The following DCP2 variants were observed in gnomAD, a reference collection of about 807,000 sequenced individuals.
The protein encoded by DCP2 is m7GpppN-mRNA hydrolase.
In DCP2, 30 loss-of-function variants were observed where a neutral mutation model predicts 56.1. The ratio of observed to expected loss-of-function variants is 0.53; its 90% CI spans 0.40 to 0.73. The LOEUF (loss-of-function observed/expected upper bound fraction) is 0.73, where lower values mean the gene tolerates loss of function less well. Ranked by LOEUF, DCP2 falls within the 30% of genes least tolerant of loss-of-function variation. The pLI, the probability that DCP2 is intolerant of heterozygous loss-of-function variation, is 0.00. For missense variants in DCP2, 533 were observed against 502.7 expected, an observed-to-expected ratio of 1.06 and a Z score of -0.58; for synonymous variants, 197 against 163.3, an observed-to-expected ratio of 1.21 and a Z score of -1.57.
intron 9 of DCP2, chr5:113,008,425 A>G (rs191288837): frequency 1.8e-3 from 290 of 158,238 alleles, no homozygotes; most frequent in Middle Eastern, 9.7e-3. Flanking sequence ...TAGAAAATAA[A>G]AAAAACACAG....
chr5:112,976,806 C>T lies in DCP2; in HGVS notation c.-128C>T, dbSNP rs190336737. 1.8e-3 allele frequency: 1,665 copies of T among 932,982 alleles called. 8 individuals are homozygous for T. The highest frequency in any genetic ancestry group is 7.4e-3 in the Middle Eastern group (35 of 4,724). The allele number at this position is 932,982 out of a possible 1,614,324, so 57.8% of individuals were successfully genotyped here. On this transcript the variant is annotated 5_prime_UTR_variant, in exon 1 of 11. Coordinates refer to ENST00000389063, the MANE Select transcript of DCP2 (RefSeq NM_152624.6). ...TCCCGCCCCTTCCCCTTCTCGTCTC[C>T]GTTGGAGTCGTCTCTGCCGCGGCTT...
chr5:113,000,555 C>T (rs1268860482), intron 4 of DCP2, among the ~76,000 whole-genome samples: 1 of 152,058 alleles, frequency 6.6e-6, no homozygotes, highest in Non-Finnish European at 1.5e-5. Context: ...TCCAAGCCAT[C>T]GAGATTAATT....
intron 1 of DCP2, among the ~76,000 whole-genome samples, chr5:112,982,828 ACTTT>A (rs1247826632): frequency 6.6e-6 from 1 of 152,124 alleles, no homozygotes; most frequent in Admixed American, 6.5e-5. Context: ...CAGTTAAAAA[ACTTT>A]CTTGTCATGC....
chr5:112,986,811 G>T (rs1442735783), intron 2 of DCP2, among the ~76,000 whole-genome samples: 1 of 152,068 alleles, frequency 6.6e-6, no homozygotes, highest in African/African-American at 2.4e-5. Context: ...ACCGGCCTGG[G>T]CATCATGGCG....
At chr5:112,983,165 A>G (rs529475405) in intron 1 of DCP2, among the ~76,000 whole-genome samples, 13 of 152,222 alleles carry the variant, frequency 8.5e-5, no homozygotes, top group Non-Finnish European at 1.8e-4. Context: ...GATGTTATCA[A>G]AAACTGATGA....
intron 2 of DCP2, among the ~76,000 whole-genome samples, chr5:112,989,652 C>T (rs190068323): frequency 3.3e-5 from 5 of 152,214 alleles, no homozygotes; most frequent in Middle Eastern, 3.4e-3. Context: ...AAAAAACTTT[C>T]GGAGATGGCC....
intron 4 of DCP2, among the ~76,000 whole-genome samples, chr5:112,994,316 T>C (rs1168653327): frequency 1.3e-5 from 2 of 151,642 alleles, no homozygotes; most frequent in African/African-American, 4.8e-5. Flanking sequence ...GGACCACAGT[T>C]GCATGCCACC....
At position 113,004,021 on chromosome 5, in the gene DCP2, C is replaced by G. The variant is rs1279419757; in HGVS notation, c.886C>G (p.Leu296Val). ...GDQWVKHRQPLQQKPYNNHSE... is the reference protein window; with the variant it reads ...GDQWVKHRQPVQQKPYNNHSE... ...CCAGTGGGTAAAGCACAGGCAACCA[C>G]TGCAGCAAAAGCCATATAATAATCA... The change falls in exon 8 of 11, where the codon CTG (leucine) becomes GTG (valine). Residue 296 changes from leucine to valine, a missense_variant. Coordinates refer to ENST00000389063, the MANE Select transcript of DCP2 (RefSeq NM_152624.6). The G allele has an allele frequency of 1.2e-6, 2 of 1,614,006 alleles. No homozygotes were observed. Among genetic ancestry groups the G allele is most frequent in the Non-Finnish European group, 1.7e-6 (2 of 1,180,008 alleles).
At chr5:113,009,653 A>ATG (rs1749592093) in intron 9 of DCP2, among the ~76,000 whole-genome samples, 18 of 145,976 alleles carry the variant, frequency 1.2e-4, no homozygotes, top group Non-Finnish European at 2.5e-4. Context: ...AATATTGAAG[A>ATG]AGATATTAAA....
At chr5:113,004,985 C>T (rs908316179) in intron 8 of DCP2, among the ~76,000 whole-genome samples, 1 of 151,770 alleles carries the variant, frequency 6.6e-6, no homozygotes, top group Admixed American at 6.6e-5. Flanking sequence ...ATTAGCTGGG[C>T]GTGGTGGCGG....
intron 10 of DCP2, among the ~76,000 whole-genome samples, chr5:113,012,408 A>T (rs1234344996): frequency 6.6e-6 from 1 of 152,190 alleles, no homozygotes; most frequent in African/African-American, 2.4e-5. Flanking sequence ...GTTGGGCATT[A>T]TATGAATATA....
At chr5:112,994,569 C>T (rs1332253288) in intron 4 of DCP2, among the ~76,000 whole-genome samples, 1 of 152,190 alleles carries the variant, frequency 6.6e-6, no homozygotes, top group Non-Finnish European at 1.5e-5. Flanking sequence ...ATTGTCTTTA[C>T]TGTTCACTAT....
chr5:112,993,700 T>C (rs1429663773), intron 4 of DCP2, among the ~76,000 whole-genome samples: 4 of 151,906 alleles, frequency 2.6e-5, no homozygotes, highest in Non-Finnish European at 2.9e-5. Context: ...TGTCCTCTCT[T>C]GTTCCTTCTG....
At position 113,013,490 on chromosome 5, in the gene DCP2, G is replaced by GCAC. The variant is rs1299021236; in HGVS notation, c.*7_*9dup. ...TGAAAATCTTGGACCTTTGATAGCA[G>GCAC]CACATGTATTGTAAATGTCCCAGGA... On this transcript the variant is annotated 3_prime_UTR_variant, in exon 11 of 11. Transcript: ENST00000389063. 1 of 1,613,670 alleles carries GCAC rather than the reference G, an allele frequency of 6.2e-7. No individual in the cohort carries two copies. Among genetic ancestry groups the GCAC allele is most frequent in the Non-Finnish European group, 8.5e-7 (1 of 1,179,780 alleles).
Position 112,976,860 on chromosome 5 carries a change from G to C in DCP2, c.-74G>C. The C allele has an allele frequency of 1.3e-6, 2 of 1,508,034 alleles. No homozygotes were observed. The highest frequency in any genetic ancestry group is 2.3e-5 in the East Asian group (1 of 44,378). The allele number at this position is 1,508,034 out of a possible 1,614,324, so 93.4% of individuals were successfully genotyped here. On this transcript the variant is annotated 5_prime_UTR_variant, in exon 1 of 11. Transcript: ENST00000389063. ...CGGCTGCCAGCTCTCCGGCGAGCCGGAGTCCTAGTGCCGTACCGTCAGTCC... is the reference window on the plus strand; with the variant it reads ...CGGCTGCCAGCTCTCCGGCGAGCCGCAGTCCTAGTGCCGTACCGTCAGTCC...
intron 2 of DCP2, among the ~76,000 whole-genome samples, chr5:112,986,595 C>T (rs1748301666): frequency 6.6e-6 from 1 of 152,044 alleles, no homozygotes. Context: ...ACCTTGGCCT[C>T]CTAAAGTGCT....
In DCP2 at chr5:113,017,418, T is replaced by G. The variant is rs917253227; in HGVS notation, c.*3934T>G. On this transcript the variant is annotated 3_prime_UTR_variant, in exon 11 of 11. Transcript: ENST00000389063. ...CAGCTTGGTAAAGTCTAGGTAGAGTTTCTGATTTTGTATTATGTCCTAAGA... is the reference window on the plus strand; with the variant it reads ...CAGCTTGGTAAAGTCTAGGTAGAGTGTCTGATTTTGTATTATGTCCTAAGA... The G allele has an allele frequency of 6.6e-6, 1 of 152,190 alleles. No individual in the cohort carries two copies. Among genetic ancestry groups the G allele is most frequent in the Non-Finnish European group, 1.5e-5 (1 of 68,030 alleles). The allele number at this position is 152,190 out of a possible 1,614,324, so 9.4% of individuals were successfully genotyped here. A position where few individuals can be genotyped will look rare whatever the true frequency, so the allele number is the denominator to read the frequency against.
At position 113,021,660 on chromosome 5, in the gene DCP2, A is replaced by AAAT. The variant is rs550916083; in HGVS notation, c.*8177_*8179dup. Among the ~76,000 whole-genome samples, 100 of 152,062 alleles carry AAAT rather than the reference A, an allele frequency of 6.6e-4. 1 individual carries two copies. The South Asian group carries it at 0.021, about 32-fold the overall frequency. Reference sequence around the variant, plus strand: ...GCTATATGATAGTAACTTTTATTTTAAATTCTCAAAAGGAGAGTGACTAAG... The same window carrying AAAT: ...GCTATATGATAGTAACTTTTATTTTAAATAATTCTCAAAAGGAGAGTGACTAAG... On this transcript the variant is annotated 3_prime_UTR_variant, in exon 11 of 11. Transcript: ENST00000389063.
chr5:112,979,485 G>A (rs552702364), intron 1 of DCP2, among the ~76,000 whole-genome samples: 37 of 152,030 alleles, frequency 2.4e-4, no homozygotes, highest in African/African-American at 8.7e-4. Flanking sequence ...TCTCTTTTAT[G>A]TACGTCTTGA....
Sources: allele counts gnomAD v4.1 joint callset (sites outside exome capture counted in the v4.1 genomes callset), GRCh38; gene constraint gnomAD v4.1.1; transcripts MANE v1.5; gene names NCBI Gene and HGNC (gene_info 2026-07-23, HGNC 2026-07-21).